Variants in TXNDC16 observed in about 807,000 individuals in gnomAD.
TXNDC16 encodes thioredoxin domain containing 16, also known as thioredoxin domain-containing protein 16.
Under a neutral mutation model 85.6 loss-of-function variants are expected in TXNDC16, and 74 were observed. The ratio of observed to expected loss-of-function variants is 0.86; its 90% CI spans 0.72 to 1.05. The LOEUF (loss-of-function observed/expected upper bound fraction) is 1.05, where lower values mean the gene tolerates loss of function less well. Among genes scored for constraint, TXNDC16 ranks in the 50% least tolerant of loss-of-function variants. The pLI is 0.00. For synonymous variants in TXNDC16, 335 were observed against 326.5 expected (o/e 1.03, Z -0.28); for missense variants, 959 against 947.0 (o/e 1.01, Z -0.17).
intron 6 of TXNDC16, among the ~76,000 whole-genome samples, chr14:52,535,965 A>G (rs1195951937): frequency 6.6e-6 from 1 of 152,056 alleles, no homozygotes; most frequent in Non-Finnish European, 1.5e-5. Flanking sequence ...TGGAGGTTGC[A>G]GTAAGCCAAT....
At chr14:52,491,270 C>T (rs116919573) in intron 9 of TXNDC16, among the ~76,000 whole-genome samples, 7,048 of 151,738 alleles carry the variant, frequency 0.046, 223 homozygotes, top group Middle Eastern at 0.071. Context: ...TAGCCTTAGC[C>T]TTCTGGGCTC....
At chr14:52,439,159 A>G in intron 20 of TXNDC16, 45 bp downstream of exon 20, 1 of 1,554,982 alleles carries the variant, frequency 6.4e-7, no homozygotes, top group East Asian at 2.2e-5. Flanking sequence ...ACATTTATGG[A>G]ACAAAATGCA....
At chr14:52,497,027 A>G (rs957899199) in intron 9 of TXNDC16, among the ~76,000 whole-genome samples, 2 of 152,158 alleles carry the variant, frequency 1.3e-5, no homozygotes, top group Admixed American at 1.3e-4. Context: ...AAAATATGTA[A>G]TATAAATAGA....
intron 16 of TXNDC16, among the ~76,000 whole-genome samples, chr14:52,466,058 T>C (rs1443659481): frequency 1.3e-5 from 2 of 152,024 alleles, no homozygotes; most frequent in South Asian, 2.1e-4. Flanking sequence ...CATAATAAAA[T>C]GTTGGAAAAG....
chr14:52,445,407 T>C (rs774728289), intron 18 of TXNDC16, among the ~76,000 whole-genome samples: 2 of 152,208 alleles, frequency 1.3e-5, no homozygotes, highest in Non-Finnish European at 2.9e-5. Flanking sequence ...CAAAATGTAA[T>C]GTCCTTTAGA....
chr14:52,445,070 G>C (rs1271131486), intron 18 of TXNDC16, among the ~76,000 whole-genome samples: 1 of 152,068 alleles, frequency 6.6e-6, no homozygotes, highest in African/African-American at 2.4e-5. Flanking sequence ...TTTAGGTTTG[G>C]GGAAATGTAT....
At chr14:52,546,394 T>C (rs1286587179) in intron 1 of TXNDC16, among the ~76,000 whole-genome samples, 1 of 152,208 alleles carries the variant, frequency 6.6e-6, no homozygotes, top group Non-Finnish European at 1.5e-5. Context: ...GTGTGATAGT[T>C]CATTACTATA....
intron 6 of TXNDC16, among the ~76,000 whole-genome samples, chr14:52,525,338 G>C (rs1284364743): frequency 1.3e-5 from 2 of 151,996 alleles, no homozygotes; most frequent in African/African-American, 4.8e-5. Flanking sequence ...TCATGAGGCT[G>C]CAAGTATAAC....
chr14:52,490,982 T>C lies in TXNDC16; in HGVS notation c.780A>G (p.Gln260=), dbSNP rs531958458. The C allele has an allele frequency of 1.1e-4, 173 of 1,592,084 alleles. 3 individuals are homozygous for C. The South Asian group carries it at 1.9e-3, about 18-fold the overall frequency. ...GTTGGAGATGGACAGTTGAAACTTG[T>C]TGAGGATCTTCAGCAACTTCAGTCT... ...PLLTEVAEDP[Q]QVSTVHLQLG... The change falls in exon 10 of 21, where the codon CAA becomes CAG. Residue 260 remains glutamine (Q), a synonymous_variant. Transcript: ENST00000281741.
At chr14:52,504,807 T>C (rs2036752355) in intron 9 of TXNDC16, among the ~76,000 whole-genome samples, 1 of 152,138 alleles carries the variant, frequency 6.6e-6, no homozygotes, top group Admixed American at 6.5e-5. Context: ...CCCATCAGTG[T>C]GCTGTATTCA....
chr14:52,462,871 A>T (rs907318716), intron 16 of TXNDC16: 3 of 448,380 alleles, frequency 6.7e-6, no homozygotes, highest in African/African-American at 2.0e-5. Flanking sequence ...CAGAAAGTGG[A>T]GTACTCAGTT....
At position 52,432,518 on chromosome 14, in the gene TXNDC16, G is replaced by A. The variant is rs1216494262; in HGVS notation, c.2264C>T (p.Ala755Val). The A allele has an allele frequency of 6.2e-7, 1 of 1,613,850 alleles. No individual in the cohort carries two copies. Among genetic ancestry groups the A allele is most frequent in the Non-Finnish European group, 8.5e-7 (1 of 1,179,958 alleles). Residue 755 changes from alanine (A) to valine (V), a missense_variant, in exon 21 of 21, where the codon GCA (alanine) becomes GTA (valine). Transcript: ENST00000281741. ...TTTCCTAGTGCCACGTTGAGATGTTGCGGCATCTATCATACTTAGAAAATC... is the reference window on the plus strand; with the variant it reads ...TTTCCTAGTGCCACGTTGAGATGTTACGGCATCTATCATACTTAGAAAATC... ...AYDFLSMIDA[A>V]TSQRGTRKVP...
intron 20 of TXNDC16, among the ~76,000 whole-genome samples, chr14:52,435,587 T>C (rs2035006980): frequency 6.6e-6 from 1 of 152,118 alleles, no homozygotes; most frequent in Admixed American, 6.5e-5. Flanking sequence ...TAGGAAAATA[T>C]TAAAACCAAT....
chr14:52,469,000 T>G (rs2035839842), intron 16 of TXNDC16, among the ~76,000 whole-genome samples: 1 of 151,916 alleles, frequency 6.6e-6, no homozygotes, highest in African/African-American at 2.4e-5. Flanking sequence ...CTCAAAAATA[T>G]TCTTCACATA....
At chr14:52,539,000 A>T (rs1594765428) in intron 4 of TXNDC16, among the ~76,000 whole-genome samples, 1 of 152,360 alleles carries the variant, frequency 6.6e-6, no homozygotes, top group East Asian at 1.9e-4. Context: ...GGTTGGTATT[A>T]TGACAATAGA....
chr14:52,436,837 A>C (rs2035040205), intron 20 of TXNDC16, among the ~76,000 whole-genome samples: 1 of 152,286 alleles, frequency 6.6e-6, no homozygotes, highest in Middle Eastern at 3.4e-3. Context: ...ACACACATAC[A>C]TACATATTTA....
At chr14:52,486,334 A>G (rs1186959974) in intron 12 of TXNDC16, among the ~76,000 whole-genome samples, 1 of 132,796 alleles carries the variant, frequency 7.5e-6, no homozygotes, top group Non-Finnish European at 1.5e-5. Context: ...CCCAGGTAGG[A>G]GTGCACTGGC....
chr14:52,448,092 T>G (rs2035326205), intron 18 of TXNDC16, among the ~76,000 whole-genome samples: 1 of 150,762 alleles, frequency 6.6e-6, no homozygotes, highest in Non-Finnish European at 1.5e-5. Context: ...TTACTGGCCT[T>G]AAAGAGGAGA....
In TXNDC16 at chr14:52,457,114, T is replaced by C; in HGVS notation, c.1679A>G (p.Tyr560Cys). The C allele has an allele frequency of 6.3e-7, 1 of 1,590,624 alleles. No homozygotes were observed. The highest frequency in any genetic ancestry group is 1.2e-5 in the South Asian group (1 of 85,838). The change falls in exon 17 of 21, where the codon TAT (tyrosine) becomes TGT (cysteine). Residue 560 changes from tyrosine to cysteine, a missense_variant. By Grantham distance (194) the Tyr-to-Cys change is radical. Transcript: ENST00000281741. ...CAGTAGCAAAACATCTTCTTCAGAA[T>C]AAATTCCAGTGATAACATATCCTTT... ...YLKGYVITGI[Y>C]SEEDVLLLST...
Sources: allele counts gnomAD v4.1 joint callset (sites outside exome capture counted in the v4.1 genomes callset), GRCh38; gene constraint gnomAD v4.1.1; transcripts MANE v1.5; gene names NCBI Gene and HGNC (gene_info 2026-07-23, HGNC 2026-07-21).